Variants in TRAPPC9 observed in about 807,000 individuals in gnomAD.
TRAPPC9 encodes the protein IKK2 binding protein.
A neutral mutation model predicts 124.0 loss-of-function variants in TRAPPC9; 83 were observed. The observed-to-expected ratio is 0.67, with a 90% CI of 0.56 to 0.80. The LOEUF (loss-of-function observed/expected upper bound fraction) is 0.80, where lower values mean the gene tolerates loss of function less well. Ranked by LOEUF, TRAPPC9 falls within the 30% of genes least tolerant of loss-of-function variation. The probability of loss-of-function intolerance (pLI) is 0.00; values close to 1 mark genes in which losing one functional copy is unlikely to be tolerated. For synonymous variants in TRAPPC9, 638 were observed against 617.5 expected (o/e 1.03, Z -0.49); for missense variants, 1,302 against 1,508.3 (o/e 0.86, Z 2.27).
intron 17 of TRAPPC9, among the ~76,000 whole-genome samples, chr8:140,136,389 C>G (rs2061304075): frequency 6.6e-6 from 1 of 152,226 alleles, no homozygotes; most frequent in African/African-American, 2.4e-5. Context: ...ACTCCCCGCT[C>G]AGAGCCTGTT....
intron 15 of TRAPPC9, among the ~76,000 whole-genome samples, chr8:140,263,519 C>T (rs1196510438): frequency 6.6e-6 from 1 of 152,182 alleles, no homozygotes; most frequent in Non-Finnish European, 1.5e-5. Flanking sequence ...AATGAGTTGA[C>T]ATTTTTATAA....
chr8:139,934,323 C>T (rs376858203), intron 19 of TRAPPC9, among the ~76,000 whole-genome samples: 10 of 152,148 alleles, frequency 6.6e-5, no homozygotes, highest in African/African-American at 2.4e-4. Flanking sequence ...AGTAGCTGTA[C>T]GCACAGCAGG....
At chr8:140,274,969 C>CT in intron 15 of TRAPPC9, among the ~76,000 whole-genome samples, 1 of 152,158 alleles carries the variant, frequency 6.6e-6, no homozygotes, top group Non-Finnish European at 1.5e-5. Context: ...TACAATTTCT[C>CT]TAACTGTATT....
intron 18 of TRAPPC9, among the ~76,000 whole-genome samples, chr8:140,015,253 C>T (rs1839389246): frequency 6.6e-6 from 1 of 152,188 alleles, no homozygotes; most frequent in African/African-American, 2.4e-5. Flanking sequence ...CTGTCACCTG[C>T]AAGCTGTGTG....
rs565630434 is a variant in TRAPPC9 at position 140,341,670 on chromosome 8, T to C, written c.1495+18380A>G. Among the ~76,000 whole-genome samples, 8 of 148,818 alleles carry C rather than the reference T, an allele frequency of 5.4e-5. No homozygotes were observed. In the South Asian group the frequency reaches 1.5e-3, roughly 28 times the overall value. The stretch of plus-strand genomic sequence containing the variant: ...CACAAATGTGATAAGCATTGTTATA[T>C]ACGCATGGGAAAAAAAAAAAAAAAC... On this transcript the variant is annotated intron_variant, in intron 9 of 22. Coordinates refer to ENST00000438773, the MANE Select transcript of TRAPPC9 (RefSeq NM_001160372.4).
At chr8:139,886,281 T>C (rs1267377845) in intron 20 of TRAPPC9, among the ~76,000 whole-genome samples, 5 of 152,170 alleles carry the variant, frequency 3.3e-5, no homozygotes, top group African/African-American at 1.2e-4. Context: ...TAAAGAGAAA[T>C]GGAAGGTTAT....
intron 2 of TRAPPC9, among the ~76,000 whole-genome samples, chr8:140,444,015 G>T (rs1360704618): frequency 6.4e-5 from 7 of 109,780 alleles, no homozygotes; most frequent in East Asian, 2.8e-4. Flanking sequence ...CAGCCTGGGC[G>T]ACAGAGCTAG....
chr8:140,332,426 C>G (rs778240390), intron 9 of TRAPPC9, among the ~76,000 whole-genome samples: 1 of 152,012 alleles, frequency 6.6e-6, no homozygotes, highest in Admixed American at 6.6e-5. Flanking sequence ...CTAAAAGTAA[C>G]AACAATTTTT....
chr8:140,167,398 C>G (rs775600718), intron 17 of TRAPPC9, among the ~76,000 whole-genome samples: 6 of 152,124 alleles, frequency 3.9e-5, no homozygotes, highest in Admixed American at 1.3e-4. Context: ...ACACACCACA[C>G]GCCAAAAGCA....
chr8:139,919,045 G>C (rs1178918764), intron 19 of TRAPPC9, among the ~76,000 whole-genome samples: 1 of 152,212 alleles, frequency 6.6e-6, no homozygotes. Context: ...GCAGGGCCAG[G>C]TCTTGGAGTC....
chr8:139,825,693 G>C lies in TRAPPC9; in HGVS notation c.3055+60186C>G, dbSNP rs948500187. On this transcript the variant is annotated intron_variant, in intron 21 of 22. Coordinates refer to ENST00000438773, the MANE Select transcript of TRAPPC9 (RefSeq NM_001160372.4). The surrounding 1 kb of genome is among the most constrained non-coding windows in gnomAD (Gnocchi z 4.6). Reference sequence around the variant, plus strand: ...TGGGCCAGGGCTTCTGCAGGACACAGCCAGTGATCAGACGCCCCGTGGAGG... The same window carrying C: ...TGGGCCAGGGCTTCTGCAGGACACACCCAGTGATCAGACGCCCCGTGGAGG... Among the ~76,000 whole-genome samples, 2 of 152,154 alleles carry C rather than the reference G, an allele frequency of 1.3e-5. No homozygotes were observed. Among genetic ancestry groups the C allele is most frequent in the African/African-American group, 4.8e-5 (2 of 41,438 alleles).
chr8:140,373,279 C>T (rs148096953), intron 7 of TRAPPC9, among the ~76,000 whole-genome samples: 286 of 152,324 alleles, frequency 1.9e-3, no homozygotes, highest in Non-Finnish European at 2.5e-3. Flanking sequence ...GCTCTAAGTC[C>T]AATGAAATAC....
chr8:140,189,570 A>G (rs2062434618), intron 17 of TRAPPC9, among the ~76,000 whole-genome samples: 1 of 152,218 alleles, frequency 6.6e-6, no homozygotes, highest in Non-Finnish European at 1.5e-5. Context: ...TCAGCTACCT[A>G]AAGAGATGCG....
At chr8:140,385,799 C>T (rs2068739982) in intron 7 of TRAPPC9, among the ~76,000 whole-genome samples, 1 of 152,208 alleles carries the variant, frequency 6.6e-6, no homozygotes, top group Non-Finnish European at 1.5e-5. Context: ...AAGAGGGAAT[C>T]CTCCCTAACT....
At chr8:140,035,250 A>G (rs1318847588) in intron 17 of TRAPPC9, among the ~76,000 whole-genome samples, 1 of 152,254 alleles carries the variant, frequency 6.6e-6, no homozygotes, top group Non-Finnish European at 1.5e-5. Flanking sequence ...CTCTCTGGCC[A>G]TAGGATGTGG....
intron 21 of TRAPPC9, among the ~76,000 whole-genome samples, chr8:139,753,542 G>A (rs1342955629): frequency 6.6e-6 from 1 of 152,226 alleles, no homozygotes; most frequent in Non-Finnish European, 1.5e-5. Context: ...ACTCCCAGTG[G>A]CTGCTGAATG....
chr8:140,240,817 G>A (rs1297077690), intron 16 of TRAPPC9, among the ~76,000 whole-genome samples: 2 of 152,206 alleles, frequency 1.3e-5, no homozygotes, highest in African/African-American at 4.8e-5. Flanking sequence ...TGGGATTACA[G>A]GTGTGAGCCA....
At chr8:140,259,774 C>A (rs927545509) in intron 15 of TRAPPC9, among the ~76,000 whole-genome samples, 2 of 152,210 alleles carry the variant, frequency 1.3e-5, no homozygotes, top group Non-Finnish European at 2.9e-5. Context: ...TCAGTGAGTG[C>A]ACGTTAGGGT....
At chr8:140,344,996 G>A (rs1042633415) in intron 9 of TRAPPC9, among the ~76,000 whole-genome samples, 11 of 152,262 alleles carry the variant, frequency 7.2e-5, no homozygotes, top group African/African-American at 2.7e-4. Context: ...CAGCGTCAAG[G>A]TTTCTGCCCA....
Sources: gnomAD v4.1 joint callset for allele counts (sites outside exome capture counted in the v4.1 genomes callset) on GRCh38, gnomAD v4.1.1 for gene constraint, Gnocchi (gnomAD v3.1) non-coding constraint, MANE v1.5 for transcripts, NCBI Gene and HGNC (gene_info 2026-07-23, HGNC 2026-07-21) for gene names.